PCSK2: variants seen among roughly 807,000 people sequenced by gnomAD.
The protein encoded by PCSK2 is neuroendocrine convertase 2.
A neutral mutation model predicts 69.7 loss-of-function variants in PCSK2; 14 were observed. The ratio of observed to expected loss-of-function variants is 0.20; its 90% confidence interval spans 0.13 to 0.31. The LOEUF (loss-of-function observed/expected upper bound fraction) is 0.31. PCSK2 is among the 10% of genes least tolerant of loss of function. The probability of loss-of-function intolerance (pLI) is 1.00; values close to 1 mark genes in which losing one functional copy is unlikely to be tolerated. For missense variants in PCSK2, 544 were observed against 842.5 expected, an observed-to-expected ratio of 0.65 and a Z score of 4.39; for synonymous variants, 307 against 320.7, an observed-to-expected ratio of 0.96 and a Z score of 0.46.
chr20:17,392,493 G>A (rs140261379), intron 5 of PCSK2, among the ~76,000 whole-genome samples: 1 of 152,304 alleles, frequency 6.6e-6, no homozygotes, highest in Admixed American at 6.5e-5. Context: ...GAAGTACAAT[G>A]TATTCCTTTT....
At chr20:17,290,642 A>G (rs947642734) in intron 2 of PCSK2, among the ~76,000 whole-genome samples, 10 of 152,218 alleles carry the variant, frequency 6.6e-5, no homozygotes, top group African/African-American at 2.4e-4. Context: ...GCCTTCACCT[A>G]CAGTGCTATA....
intron 2 of PCSK2, among the ~76,000 whole-genome samples, chr20:17,353,225 G>A (rs1040446667): frequency 4.7e-5 from 6 of 128,122 alleles, no homozygotes; most frequent in Admixed American, 2.5e-4. Flanking sequence ...CACTTTGGGA[G>A]GCCAAGGCGG....
chr20:17,428,806 C>T (rs139196752), intron 6 of PCSK2, among the ~76,000 whole-genome samples: 1 of 151,500 alleles, frequency 6.6e-6, no homozygotes, highest in African/African-American at 2.4e-5. Flanking sequence ...TGAGACCAGC[C>T]TGGGCAACAT....
intron 2 of PCSK2, among the ~76,000 whole-genome samples, chr20:17,340,839 C>T (rs935069313): frequency 8.5e-5 from 13 of 152,144 alleles, no homozygotes; most frequent in African/African-American, 2.9e-4. Context: ...TAAGCTTTAC[C>T]CAAACCCAGA....
intron 2 of PCSK2, among the ~76,000 whole-genome samples, chr20:17,297,904 T>C (rs1247526046): frequency 6.6e-6 from 1 of 152,244 alleles, no homozygotes; most frequent in Non-Finnish European, 1.5e-5. Context: ...TGATTTAAGC[T>C]AAAAGTATTT....
At chr20:17,314,551 G>A (rs1470839506) in intron 2 of PCSK2, among the ~76,000 whole-genome samples, 5 of 152,226 alleles carry the variant, frequency 3.3e-5, no homozygotes, top group Non-Finnish European at 5.9e-5. Context: ...GGAGGGACAA[G>A]TCTGTGCAGT....
intron 5 of PCSK2, among the ~76,000 whole-genome samples, chr20:17,386,300 G>C (rs987490004): frequency 6.6e-6 from 1 of 152,056 alleles, no homozygotes; most frequent in African/African-American, 2.4e-5. Context: ...CATGTTCATG[G>C]TAACATTATT....
intron 9 of PCSK2, among the ~76,000 whole-genome samples, chr20:17,454,475 T>A (rs534278462): frequency 6.6e-6 from 1 of 152,290 alleles, no homozygotes; most frequent in Non-Finnish European, 1.5e-5. Context: ...TATTTTAAAA[T>A]GGAGCCATGA....
rs2033429494 is a variant in PCSK2, at chr20:17,482,595, CAG to C, written c.*526_*527del. On this transcript the variant is annotated 3_prime_UTR_variant, in exon 12 of 12. Coordinates refer to ENST00000262545, the MANE Select transcript of PCSK2 (RefSeq NM_002594.5). ...ATGTTTTGAATTTAGTGAGATTTACCAGGGATGTAGATTAAGGTGATGTGATT... is the reference window on the plus strand; with the variant it reads ...ATGTTTTGAATTTAGTGAGATTTACCGGATGTAGATTAAGGTGATGTGATT... The C allele has an allele frequency of 6.6e-6, 1 of 152,082 alleles. No homozygotes were observed. The allele number at this position is 152,082 out of a possible 1,614,324, so 9.4% of individuals were successfully genotyped here.
intron 5 of PCSK2, among the ~76,000 whole-genome samples, chr20:17,387,989 T>C (rs1417422120): frequency 6.6e-6 from 1 of 152,156 alleles, no homozygotes; most frequent in Non-Finnish European, 1.5e-5. Flanking sequence ...TAGCTATCCC[T>C]ATGCTGATAC....
At chr20:17,443,637 C>A (rs754505371) in intron 8 of PCSK2, among the ~76,000 whole-genome samples, 5 of 152,130 alleles carry the variant, frequency 3.3e-5, no homozygotes, top group Non-Finnish European at 7.4e-5. Context: ...TCTGTCCAGA[C>A]TGACAGTGCA....
chr20:17,451,253 T>C (rs969814168), intron 8 of PCSK2, among the ~76,000 whole-genome samples: 65 of 152,204 alleles, frequency 4.3e-4, no homozygotes, highest in African/African-American at 1.5e-3. Flanking sequence ...TGTGTAACAG[T>C]GAGCTGGCTG....
chr20:17,297,564 G>C (rs970184321), intron 2 of PCSK2, among the ~76,000 whole-genome samples: 1 of 152,242 alleles, frequency 6.6e-6, no homozygotes, highest in Non-Finnish European at 1.5e-5. Flanking sequence ...GGGTTGCCAT[G>C]GGTCTCTTTC....
chr20:17,372,543 T>C (rs1164831067), intron 5 of PCSK2, among the ~76,000 whole-genome samples: 1 of 152,200 alleles, frequency 6.6e-6, no homozygotes, highest in Non-Finnish European at 1.5e-5. Context: ...ACAATGTCTA[T>C]GCTGAACTTA....
intron 2 of PCSK2, among the ~76,000 whole-genome samples, chr20:17,284,308 A>G (rs1204469286): frequency 2.6e-5 from 4 of 152,200 alleles, no homozygotes; most frequent in Admixed American, 2.6e-4. Flanking sequence ...CTGCTCCATC[A>G]CTAACAAGGC....
chr20:17,338,173 G>GA (rs201740005), intron 2 of PCSK2, among the ~76,000 whole-genome samples: 11 of 140,900 alleles, frequency 7.8e-5, no homozygotes, highest in Non-Finnish European at 1.1e-4. Flanking sequence ...ATTTTTTTTG[G>GA]GGGGGGGGGT....
intron 2 of PCSK2, among the ~76,000 whole-genome samples, chr20:17,343,860 C>T (rs995368557): frequency 1.4e-4 from 22 of 152,198 alleles, no homozygotes; most frequent in African/African-American, 5.1e-4. Flanking sequence ...AGAATCCCTG[C>T]CCCCTACAAG....
intron 1 of PCSK2, among the ~76,000 whole-genome samples, chr20:17,250,235 AAT>A (rs1321084985): frequency 6.6e-6 from 1 of 152,212 alleles, no homozygotes. Context: ...GATTATATTT[AAT>A]AGTTATGTCT....
Position 17,268,568 on chromosome 20 carries a change from G to C in PCSK2, c.282+8224G>C, listed in dbSNP as rs1290797243. The stretch of plus-strand genomic sequence containing the variant: ...CTGGAATCCAAGACACACCTGGTGT[G>C]TTCCAGGAACAGCAAGAATGCGAGT... On this transcript the variant is annotated intron_variant, in intron 2 of 11. Transcript: ENST00000262545. 2.0e-5 allele frequency among the ~76,000 whole-genome samples: 3 copies of C among 152,160 alleles called. 1 individual carries two copies. In the South Asian group the frequency reaches 6.2e-4, roughly 32 times the overall value.
Sources: allele counts gnomAD v4.1 joint callset (sites outside exome capture counted in the v4.1 genomes callset), GRCh38; gene constraint gnomAD v4.1.1; transcripts MANE v1.5; gene names NCBI Gene and HGNC (gene_info 2026-07-23, HGNC 2026-07-21).